Variants in LPAR1 observed in about 807,000 individuals in gnomAD.
LPAR1 encodes lysophosphatidic acid receptor 1, also known as LPA receptor 1.
LPAR1 carries 5 observed loss-of-function variants against 23.8 expected under a neutral mutation model. That is an observed-to-expected ratio of 0.21 (90% CI 0.11 to 0.44). LPAR1 has a LOEUF of 0.44. LPAR1 is among the 20% of genes least tolerant of loss of function. The pLI is 0.99. For synonymous variants in LPAR1, 160 were observed against 164.7 expected (o/e 0.97, Z 0.22); for missense variants, 311 against 482.8 (o/e 0.64, Z 3.33).
chr9:111,030,072 T>G (rs1282772568), intron 2 of LPAR1, among the ~76,000 whole-genome samples: 1 of 148,838 alleles, frequency 6.7e-6, no homozygotes, highest in African/African-American at 2.5e-5. Flanking sequence ...AAAAAAAAAT[T>G]TAGTGTCCTC....
intron 5 of LPAR1, among the ~76,000 whole-genome samples, chr9:110,883,237 T>C (rs998232851): frequency 6.6e-6 from 1 of 152,174 alleles, no homozygotes; most frequent in Non-Finnish European, 1.5e-5. Flanking sequence ...GCTTTCACCA[T>C]GTTGGCCAGG....
chr9:110,896,562 A>T (rs2086398975), intron 5 of LPAR1, among the ~76,000 whole-genome samples: 2 of 152,094 alleles, frequency 1.3e-5, no homozygotes, highest in Non-Finnish European at 2.9e-5. Flanking sequence ...CCATGGTATG[A>T]TCTAGAAAGT....
chr9:110,944,114 T>C (rs981337631), intron 4 of LPAR1, among the ~76,000 whole-genome samples: 3 of 152,176 alleles, frequency 2.0e-5, no homozygotes, highest in African/African-American at 7.2e-5. Context: ...GTTTCTTGTA[T>C]CAGAATTACC....
intron 2 of LPAR1, among the ~76,000 whole-genome samples, chr9:111,017,527 T>A (rs1177728498): frequency 1.3e-5 from 2 of 152,218 alleles, no homozygotes; most frequent in African/African-American, 4.8e-5. Context: ...ATCAATGGCA[T>A]CTAGAAGAAA....
At chr9:111,035,554 A>G (rs1420105977) in intron 2 of LPAR1, among the ~76,000 whole-genome samples, 2 of 152,212 alleles carry the variant, frequency 1.3e-5, no homozygotes, top group African/African-American at 4.8e-5. Context: ...GTAACATGAT[A>G]TGTAAAAATA....
At chr9:110,966,739 C>T (rs1008133521) in intron 4 of LPAR1, among the ~76,000 whole-genome samples, 3 of 152,134 alleles carry the variant, frequency 2.0e-5, no homozygotes, top group African/African-American at 7.2e-5. Flanking sequence ...TCTTGCCTTA[C>T]TGGAATCACA....
intron 2 of LPAR1, among the ~76,000 whole-genome samples, chr9:111,027,690 G>C (rs533266637): frequency 1.2e-4 from 18 of 151,780 alleles, no homozygotes; most frequent in Non-Finnish European, 2.5e-4. Context: ...ACTCAAAGTT[G>C]ACCTTTGAGT....
At chr9:111,015,931 G>C (rs1253127526) in intron 2 of LPAR1, among the ~76,000 whole-genome samples, 1 of 151,526 alleles carries the variant, frequency 6.6e-6, no homozygotes, top group South Asian at 2.1e-4. Context: ...CCTCATGCAC[G>C]GCAAACTGAG....
intron 5 of LPAR1, among the ~76,000 whole-genome samples, chr9:110,914,951 A>G (rs1397288070): frequency 6.6e-6 from 1 of 152,088 alleles, no homozygotes; most frequent in Non-Finnish European, 1.5e-5. Context: ...ACTTGAATAA[A>G]ACAGATTTCG....
chr9:111,035,492 G>C (rs1241286247), intron 2 of LPAR1, among the ~76,000 whole-genome samples: 1 of 152,106 alleles, frequency 6.6e-6, no homozygotes, highest in Non-Finnish European at 1.5e-5. Context: ...CCAAAGTGTT[G>C]AGATTACAGG....
intron 4 of LPAR1, among the ~76,000 whole-genome samples, chr9:110,954,526 A>G (rs952705955): frequency 6.6e-6 from 1 of 152,158 alleles, no homozygotes; most frequent in African/African-American, 2.4e-5. Context: ...TAATAATCAA[A>G]CTATCAAAAG....
Position 110,961,637 on chromosome 9 carries a change from A to G in LPAR1, c.45+10436T>C, listed in dbSNP as rs868634727. ...TATCTCAAAAAAAAAAAAAAAAAAA[A>G]AAAGAAAGAAAGAAAAAGAGGTTTA... On this transcript the variant is annotated intron_variant, in intron 4 of 5. Coordinates refer to ENST00000683809, the MANE Select transcript of LPAR1 (RefSeq NM_001351411.2). Among the ~76,000 whole-genome samples, 994 of 144,978 alleles carry G rather than the reference A, an allele frequency of 6.9e-3. 1 individual carries two copies. The highest frequency in any genetic ancestry group is 0.014 in the Middle Eastern group (4 of 282).
intron 3 of LPAR1, among the ~76,000 whole-genome samples, chr9:110,972,639 C>A (rs1484951607): frequency 6.6e-6 from 1 of 152,116 alleles, no homozygotes; most frequent in East Asian, 1.9e-4. Context: ...CTAAGCCCCC[C>A]AGTGGATACT....
intron 5 of LPAR1, among the ~76,000 whole-genome samples, chr9:110,935,721 C>A (rs2094661400): frequency 6.6e-6 from 1 of 152,180 alleles, no homozygotes; most frequent in African/African-American, 2.4e-5. Flanking sequence ...CCTGTTATCC[C>A]AGATTCCCAA....
chr9:110,928,900 C>G (rs1427629333), intron 5 of LPAR1, among the ~76,000 whole-genome samples: 2 of 152,176 alleles, frequency 1.3e-5, no homozygotes, highest in Admixed American at 1.3e-4. Flanking sequence ...TTCTCTCTCC[C>G]AAGAGAAAGG....
chr9:110,890,020 T>C (rs1204814626), intron 5 of LPAR1, among the ~76,000 whole-genome samples: 1 of 152,126 alleles, frequency 6.6e-6, no homozygotes, highest in African/African-American at 2.4e-5. Context: ...ATAAACTTGA[T>C]TAAGACAACA....
chr9:110,890,907 A>G (rs1239136429), intron 5 of LPAR1, among the ~76,000 whole-genome samples: 1 of 151,978 alleles, frequency 6.6e-6, no homozygotes, highest in Non-Finnish European at 1.5e-5. Context: ...ATCAAAATAT[A>G]ATTACAAGTA....
chr9:110,996,813 A>G (rs2097019342), intron 2 of LPAR1, among the ~76,000 whole-genome samples: 1 of 152,112 alleles, frequency 6.6e-6, no homozygotes, highest in Non-Finnish European at 1.5e-5. Flanking sequence ...CCAAAGAACT[A>G]CCCCAGTTTC....
At chr9:110,921,191 T>C (rs546771622) in intron 5 of LPAR1, among the ~76,000 whole-genome samples, 1 of 152,192 alleles carries the variant, frequency 6.6e-6, no homozygotes, top group South Asian at 2.1e-4. Context: ...GGACGATGGC[T>C]TGAGACCAGG....
Sources: allele counts gnomAD v4.1 joint callset (sites outside exome capture counted in the v4.1 genomes callset), GRCh38; gene constraint gnomAD v4.1.1; transcripts MANE v1.5; gene names NCBI Gene and HGNC (gene_info 2026-07-23, HGNC 2026-07-21).